NCAM2: variants seen among roughly 807,000 people sequenced by gnomAD.
NCAM2 encodes N-CAM-2.
NCAM2 carries 30 observed loss-of-function variants against 98.1 expected under a neutral mutation model. The observed-to-expected ratio is 0.31, with a 90% CI of 0.23 to 0.41. The LOEUF (loss-of-function observed/expected upper bound fraction) is 0.41. NCAM2 is among the 10% of genes least tolerant of loss of function. The probability of loss-of-function intolerance (pLI) is 1.00; values close to 1 mark genes in which losing one functional copy is unlikely to be tolerated. For missense variants in NCAM2, 867 were observed against 1,005.8 expected, an observed-to-expected ratio of 0.86 and a Z score of 1.87; for synonymous variants, 368 against 342.4, an observed-to-expected ratio of 1.07 and a Z score of -0.83.
intron 1 of NCAM2, among the ~76,000 whole-genome samples, chr21:21,136,707 G>A (rs1456681757): frequency 1.3e-5 from 2 of 150,818 alleles, no homozygotes; most frequent in African/African-American, 4.9e-5. Context: ...AGCTCAGACA[G>A]TCTGCCCGCC....
chr21:21,187,248 CAAAA>C (rs1326484547), intron 1 of NCAM2, among the ~76,000 whole-genome samples: 3 of 151,892 alleles, frequency 2.0e-5, no homozygotes, highest in South Asian at 4.1e-4. Context: ...AACAAACAAA[CAAAA>C]AACCCTGAAT....
chr21:21,481,054 A>T (rs1985837989), intron 15 of NCAM2, among the ~76,000 whole-genome samples: 1 of 152,366 alleles, frequency 6.6e-6, no homozygotes, highest in Non-Finnish European at 1.5e-5. Flanking sequence ...TGATGCTGTC[A>T]GTGTTAACAG....
intron 1 of NCAM2, among the ~76,000 whole-genome samples, chr21:21,216,839 G>A (rs1431264890): frequency 1.3e-5 from 2 of 152,130 alleles, no homozygotes; most frequent in East Asian, 3.9e-4. Flanking sequence ...GGAAAACCCT[G>A]GGTAATAGGC....
At chr21:21,109,412 T>C (rs1017017246) in intron 1 of NCAM2, among the ~76,000 whole-genome samples, 1 of 152,158 alleles carries the variant, frequency 6.6e-6, no homozygotes, top group African/African-American at 2.4e-5. Context: ...CCCACAAATA[T>C]ATACACATAC....
Position 21,285,859 on chromosome 21 carries a change from A to C in NCAM2, c.338-410A>C, listed in dbSNP as rs865846076. 7.2e-5 allele frequency among the ~76,000 whole-genome samples: 11 copies of C among 152,098 alleles called. No homozygotes were observed. The South Asian group carries it at 8.3e-4, about 11-fold the overall frequency. ...AGAGATAGAGAACCTTGAAATGGAA[A>C]GGAATATTGCTATTTTATATAGGCA... On this transcript the variant is annotated intron_variant, in intron 3 of 17. Transcript: ENST00000400546.
intron 1 of NCAM2, among the ~76,000 whole-genome samples, chr21:21,231,631 G>A (rs1022770584): frequency 2.0e-5 from 3 of 151,148 alleles, no homozygotes; most frequent in African/African-American, 7.3e-5. Context: ...ATATATCTTG[G>A]TTCTAAAACC....
intron 14 of NCAM2, among the ~76,000 whole-genome samples, chr21:21,475,470 T>A (rs1985047468): frequency 1.3e-5 from 2 of 152,150 alleles, no homozygotes; most frequent in African/African-American, 4.8e-5. Context: ...AAATAATTGA[T>A]GAATGAGTGG....
chr21:21,085,280 T>G (rs1231482825), intron 1 of NCAM2, among the ~76,000 whole-genome samples: 1 of 152,044 alleles, frequency 6.6e-6, no homozygotes, highest in Non-Finnish European at 1.5e-5. Context: ...AAAGGATGCA[T>G]GCACTCAGGA....
At chr21:21,058,421 A>G (rs1430497117) in intron 1 of NCAM2, among the ~76,000 whole-genome samples, 1 of 152,082 alleles carries the variant, frequency 6.6e-6, no homozygotes, top group Non-Finnish European at 1.5e-5. Flanking sequence ...AAAGCAAATG[A>G]TATTTTATTT....
At chr21:21,349,746 AG>A (rs1304085539) in intron 8 of NCAM2, among the ~76,000 whole-genome samples, 3 of 152,212 alleles carry the variant, frequency 2.0e-5, no homozygotes, top group African/African-American at 4.8e-5. Flanking sequence ...AGCCCTAAAA[AG>A]AATGAGATCC....
chr21:21,351,500 A>G (rs1278724637), intron 8 of NCAM2, among the ~76,000 whole-genome samples: 3 of 152,196 alleles, frequency 2.0e-5, no homozygotes, highest in Admixed American at 6.5e-5. Flanking sequence ...TTTCCACAGA[A>G]TATGAAATAG....
At chr21:21,517,833 C>T (rs1392033729) in intron 16 of NCAM2, among the ~76,000 whole-genome samples, 2 of 152,056 alleles carry the variant, frequency 1.3e-5, no homozygotes, top group South Asian at 2.1e-4. Flanking sequence ...CAGAGCAAGG[C>T]TCCATCTCAA....
intron 1 of NCAM2, among the ~76,000 whole-genome samples, chr21:21,049,938 T>C (rs1238643121): frequency 6.6e-6 from 1 of 152,122 alleles, no homozygotes; most frequent in Non-Finnish European, 1.5e-5. Context: ...ATGTAAATAG[T>C]ATAAAGTGGA....
At chr21:21,396,296 C>T (rs1017637489) in intron 9 of NCAM2, among the ~76,000 whole-genome samples, 2 of 152,070 alleles carry the variant, frequency 1.3e-5, no homozygotes, top group Non-Finnish European at 2.9e-5. Context: ...CAATCAAAAC[C>T]ACAATGTGAT....
At chr21:21,373,783 T>A (rs2148052431) in intron 8 of NCAM2, 80 bp from the exon 9 acceptor site, 1 of 1,165,002 alleles carries the variant, frequency 8.6e-7, no homozygotes, top group African/African-American at 1.6e-5. Context: ...ACATGGGAAG[T>A]AACATAATGT....
At chr21:21,450,426 CT>C (rs67858518) in intron 12 of NCAM2, among the ~76,000 whole-genome samples, 108,076 of 151,634 alleles carry the variant, frequency 0.71, 39,073 homozygotes, top group Non-Finnish European at 0.75. Flanking sequence ...TCACTGAAGC[CT>C]TCCAAAACCT....
At chr21:21,149,971 G>A (rs148620179) in intron 1 of NCAM2, among the ~76,000 whole-genome samples, 2,145 of 152,160 alleles carry the variant, frequency 0.014, 67 homozygotes, top group African/African-American at 0.049. Flanking sequence ...TCTAGTTCTA[G>A]ATCCTTTAGG....
intron 1 of NCAM2, among the ~76,000 whole-genome samples, chr21:21,236,995 T>A (rs370656297): frequency 1.6e-4 from 24 of 152,150 alleles, no homozygotes; most frequent in African/African-American, 5.3e-4. Context: ...TCTTTTTATT[T>A]TCCTTAAGGC....
chr21:21,061,784 T>C (rs983375591), intron 1 of NCAM2, among the ~76,000 whole-genome samples: 58 of 152,288 alleles, frequency 3.8e-4, no homozygotes, highest in African/African-American at 1.3e-3. Flanking sequence ...TTTACTGTTA[T>C]TTTACTTAGT....
Sources: gnomAD v4.1 joint callset for allele counts (sites outside exome capture counted in the v4.1 genomes callset) on GRCh38, gnomAD v4.1.1 for gene constraint, MANE v1.5 for transcripts, NCBI Gene and HGNC (gene_info 2026-07-23, HGNC 2026-07-21) for gene names.